The following CPEB3 variants were observed in gnomAD, a reference collection of about 807,000 sequenced individuals.
CPEB3 encodes the protein cytoplasmic polyadenylation element binding protein 3.
In CPEB3, 20 loss-of-function variants were observed where a neutral mutation model predicts 67.2. The observed-to-expected ratio is 0.30, with a 90% confidence interval of 0.21 to 0.43. CPEB3 has a LOEUF of 0.43. Ranked by LOEUF, CPEB3 falls within the 20% of genes least tolerant of loss-of-function variation. CPEB3 has a pLI of 1.00. For missense variants in CPEB3, 746 were observed against 968.6 expected (o/e 0.77, Z 3.05); for synonymous variants, 376 against 393.1 (o/e 0.96, Z 0.51).
intron 6 of CPEB3, among the ~76,000 whole-genome samples, chr10:92,133,761 C>T: frequency 6.6e-6 from 1 of 152,166 alleles, no homozygotes; most frequent in South Asian, 2.1e-4. Flanking sequence ...ATGCGAAAAT[C>T]CTCAATAAAA....
intron 6 of CPEB3, among the ~76,000 whole-genome samples, chr10:92,139,909 C>T (rs944574704): frequency 6.6e-6 from 1 of 151,910 alleles, no homozygotes; most frequent in East Asian, 1.9e-4. Flanking sequence ...CCTGTCTCTA[C>T]TAAAATTACA....
intron 4 of CPEB3, among the ~76,000 whole-genome samples, chr10:92,163,907 T>C (rs1375135765): frequency 6.6e-6 from 1 of 152,218 alleles, no homozygotes; most frequent in African/African-American, 2.4e-5. Context: ...GTTTTTGTTT[T>C]GTATACATTA....
rs1240447773 is a variant in CPEB3, at chr10:92,223,968, CTT to C, written c.1005+15376_1005+15377del. Among the ~76,000 whole-genome samples, 6 of 152,106 alleles carry C rather than the reference CTT, an allele frequency of 3.9e-5. No homozygotes were observed. In the South Asian group the frequency reaches 6.2e-4, roughly 16 times the overall value. On this transcript the variant is annotated intron_variant, in intron 2 of 9. Transcript: ENST00000265997. ...TTCACCATGTTGGCTAGGTTGGTCT[CTT>C]TGGCCAGGTTGGTCTCCAACTCCTG... is the stretch of plus-strand genomic sequence containing the variant.
intron 9 of CPEB3, among the ~76,000 whole-genome samples, chr10:92,074,922 G>A (rs1271185466): frequency 6.6e-6 from 1 of 151,824 alleles, no homozygotes; most frequent in Non-Finnish European, 1.5e-5. Flanking sequence ...CTAGTATCCA[G>A]GCTTCCATGG....
At chr10:92,271,388 A>T (rs1014282461) in intron 1 of CPEB3, among the ~76,000 whole-genome samples, 2 of 152,162 alleles carry the variant, frequency 1.3e-5, no homozygotes, top group South Asian at 4.1e-4. Flanking sequence ...TTGACACACT[A>T]ATGTCCCACC....
intron 6 of CPEB3, chr10:92,137,499 G>A (rs1346458684): frequency 3.0e-6 from 3 of 1,010,036 alleles, no homozygotes; most frequent in Non-Finnish European, 4.6e-6. Context: ...CAGCCACAAG[G>A]CCTTCTGATG....
chr10:92,269,466 A>G (rs1157242914), intron 1 of CPEB3, among the ~76,000 whole-genome samples: 2 of 152,084 alleles, frequency 1.3e-5, no homozygotes, highest in African/African-American at 4.8e-5. Flanking sequence ...TTCATGTTCA[A>G]ATATTTGGGA....
In CPEB3 at chr10:92,226,028, C is replaced by T. The variant is rs150465654; in HGVS notation, c.1005+13318G>A. Among the ~76,000 whole-genome samples the T allele has an allele frequency of 7.5e-3, 1,133 of 152,048 alleles. 13 individuals are homozygous for T. Among genetic ancestry groups the T allele is most frequent in the African/African-American group, 0.026 (1,086 of 41,488 alleles). ...AGGAGAATTGCTTGAACCCAGGAGG[C>T]GGAGGTTGCAGTGAGCCGAGATTGC... On this transcript the variant is annotated intron_variant, in intron 2 of 9. Coordinates refer to ENST00000265997, the MANE Select transcript of CPEB3 (RefSeq NM_014912.5).
intron 1 of CPEB3, among the ~76,000 whole-genome samples, chr10:92,257,268 A>C (rs1367067433): frequency 6.6e-6 from 1 of 152,204 alleles, no homozygotes; most frequent in Non-Finnish European, 1.5e-5. Context: ...GGAAGGCATA[A>C]CATTGATTTT....
At chr10:92,082,743 A>G (rs983237748) in intron 8 of CPEB3, among the ~76,000 whole-genome samples, 4 of 152,292 alleles carry the variant, frequency 2.6e-5, no homozygotes, top group East Asian at 1.9e-4. Context: ...CTCACATAAT[A>G]TAAGTCCAAA....
intron 7 of CPEB3, among the ~76,000 whole-genome samples, chr10:92,095,634 G>A (rs935602531): frequency 3.6e-5 from 5 of 138,604 alleles, no homozygotes; most frequent in South Asian, 2.2e-4. Context: ...TATATATTGC[G>A]TATATATATA....
chr10:92,212,664 G>A (rs998460516), intron 2 of CPEB3, among the ~76,000 whole-genome samples: 8 of 152,024 alleles, frequency 5.3e-5, no homozygotes, highest in East Asian at 1.9e-4. Flanking sequence ...AGTACCCACC[G>A]GATTTCAAAG....
intron 2 of CPEB3, among the ~76,000 whole-genome samples, chr10:92,208,944 T>C (rs1466924361): frequency 6.6e-6 from 1 of 152,164 alleles, no homozygotes; most frequent in Non-Finnish European, 1.5e-5. Flanking sequence ...ATTCCTAGCA[T>C]ATGGCTCTGT....
At chr10:92,108,424 C>CAT (rs10666159) in intron 7 of CPEB3, among the ~76,000 whole-genome samples, 59,859 of 151,896 alleles carry the variant, frequency 0.39, 12,647 homozygotes, top group African/African-American at 0.55. Context: ...TAGGTAGGGA[C>CAT]ATATGCATAA....
In CPEB3 at chr10:92,265,532, G is replaced by A. The variant is rs372050562; in HGVS notation, c.-11-25171C>T. Among the ~76,000 whole-genome samples the A allele has an allele frequency of 2.0e-5, 3 of 152,042 alleles. No homozygotes were observed. The South Asian group carries it at 6.2e-4, about 31-fold the overall frequency. On this transcript the variant is annotated intron_variant, in intron 1 of 9. Coordinates refer to ENST00000265997, the MANE Select transcript of CPEB3 (RefSeq NM_014912.5). ...AGCACTTTGGGAGGCCGAGGCAGGT[G>A]GATCACCTGAGGTCAGGAGTTTGAG... is the stretch of plus-strand genomic sequence containing the variant.
chr10:92,200,788 C>T (rs1849486896), intron 2 of CPEB3, among the ~76,000 whole-genome samples: 1 of 152,034 alleles, frequency 6.6e-6, no homozygotes, highest in Non-Finnish European at 1.5e-5. Context: ...ACTTGAAGCA[C>T]ATTTTTGCCA....
intron 1 of CPEB3, among the ~76,000 whole-genome samples, chr10:92,257,481 A>G (rs527628925): frequency 6.6e-6 from 1 of 151,950 alleles, no homozygotes; most frequent in South Asian, 2.1e-4. Context: ...TTTTTAGTAT[A>G]GATAGAGTTT....
intron 1 of CPEB3, among the ~76,000 whole-genome samples, chr10:92,261,906 C>T (rs1279424238): frequency 6.6e-6 from 1 of 152,140 alleles, no homozygotes; most frequent in Non-Finnish European, 1.5e-5. Context: ...TTCAAGTCTT[C>T]CAATTCATTA....
intron 2 of CPEB3, among the ~76,000 whole-genome samples, chr10:92,210,746 C>G (rs1219043930): frequency 6.6e-6 from 1 of 152,166 alleles, no homozygotes; most frequent in Non-Finnish European, 1.5e-5. Context: ...TCATTTAAAG[C>G]TATAAATATG....
Sources: gnomAD v4.1 joint callset for allele counts (sites outside exome capture counted in the v4.1 genomes callset) on GRCh38, gnomAD v4.1.1 for gene constraint, MANE v1.5 for transcripts, NCBI Gene and HGNC (gene_info 2026-07-23, HGNC 2026-07-21) for gene names.